Variants in KRIT1 observed in about 807,000 individuals in gnomAD.
The protein encoded by KRIT1 is KRIT1 ankyrin repeat containing, also known as krev interaction trapped protein 1.
A neutral mutation model predicts 95.8 loss-of-function variants in KRIT1; 45 were observed. That is an observed-to-expected ratio of 0.47 (90% CI 0.37 to 0.60). The LOEUF (loss-of-function observed/expected upper bound fraction) is 0.60, where lower values mean the gene tolerates loss of function less well. Among genes scored for constraint, KRIT1 ranks in the 20% least tolerant of loss-of-function variants. The probability of loss-of-function intolerance (pLI) is 0.00; values close to 1 mark genes in which losing one functional copy is unlikely to be tolerated. For synonymous variants in KRIT1, 282 were observed against 278.8 expected, an observed-to-expected ratio of 1.01 and a Z score of -0.11; for missense variants, 788 against 877.5, an observed-to-expected ratio of 0.90 and a Z score of 1.29.
intron 14 of KRIT1, among the ~76,000 whole-genome samples, chr7:92,215,996 G>A (rs1374468943): frequency 2.0e-5 from 3 of 151,930 alleles, no homozygotes; most frequent in African/African-American, 4.8e-5. Flanking sequence ...TTGGGAGGCC[G>A]AGGTGGGCGG....
At chr7:92,220,168 G>A (rs1018519869) in intron 14 of KRIT1, among the ~76,000 whole-genome samples, 1 of 152,172 alleles carries the variant, frequency 6.6e-6, no homozygotes, top group African/African-American at 2.4e-5. Flanking sequence ...GGTTTTTCAT[G>A]AACACCCTTT....
intron 10 of KRIT1, among the ~76,000 whole-genome samples, chr7:92,230,481 G>C (rs938583664): frequency 6.6e-6 from 1 of 152,142 alleles, no homozygotes; most frequent in Non-Finnish European, 1.5e-5. Context: ...GCAGAGCAGG[G>C]AAACAGATCA....
chr7:92,233,591 G>A (rs1198192958), intron 10 of KRIT1, among the ~76,000 whole-genome samples: 1 of 151,884 alleles, frequency 6.6e-6, no homozygotes, highest in Non-Finnish European at 1.5e-5. Context: ...ATTTTTAGTG[G>A]AGACGGGGTT....
intron 14 of KRIT1, among the ~76,000 whole-genome samples, chr7:92,221,338 C>T (rs1795099756): frequency 6.6e-6 from 1 of 152,036 alleles, no homozygotes; most frequent in Non-Finnish European, 1.5e-5. Context: ...ACTTGGGAGG[C>T]TGAGGCACGA....
intron 17 of KRIT1, among the ~76,000 whole-genome samples, chr7:92,211,446 A>G (rs961716780): frequency 1.3e-5 from 2 of 152,186 alleles, no homozygotes; most frequent in African/African-American, 4.8e-5. Context: ...CTATGTTCTC[A>G]TATACGTGAG....
At chr7:92,212,602 C>A (rs1470082675) in intron 17 of KRIT1, among the ~76,000 whole-genome samples, 1 of 152,188 alleles carries the variant, frequency 6.6e-6, no homozygotes, top group Non-Finnish European at 1.5e-5. Context: ...CAGTCTCCAA[C>A]CCAGAAAAAC....
chr7:92,226,405 AGTAAT>A (rs1796218359), intron 11 of KRIT1, 116 bp downstream of exon 11: 1 of 773,298 alleles, frequency 1.3e-6, no homozygotes, highest in African/African-American at 1.7e-5. Flanking sequence ...TATTCTATAA[AGTAAT>A]GGAATTTATT....
intron 11 of KRIT1, among the ~76,000 whole-genome samples, chr7:92,226,115 A>T (rs960610753): frequency 1.3e-5 from 2 of 152,182 alleles, no homozygotes; most frequent in Non-Finnish European, 2.9e-5. Flanking sequence ...CCTTTTTATG[A>T]ATTTCCTTTA....
chr7:92,202,187 A>T (rs1035256546), intron 17 of KRIT1: 2 of 152,234 alleles, frequency 1.3e-5, no homozygotes, highest in African/African-American at 2.4e-5. Context: ...TATAAAAGTA[A>T]GCATAATTTA....
chr7:92,217,011 A>G (rs1209905835), intron 14 of KRIT1, among the ~76,000 whole-genome samples: 1 of 152,176 alleles, frequency 6.6e-6, no homozygotes, highest in African/African-American at 2.4e-5. Flanking sequence ...TTATATAATG[A>G]GTGAAAGAAC....
intron 17 of KRIT1, among the ~76,000 whole-genome samples, chr7:92,208,807 C>T (rs1464052605): frequency 6.6e-6 from 1 of 151,952 alleles, no homozygotes; most frequent in African/African-American, 2.4e-5. Context: ...TTAAAATGGA[C>T]CAAAAAACTG....
chr7:92,234,627 A>AG (rs760332978), intron 9 of KRIT1, 35 bp from the exon 10 acceptor site: 3 of 1,579,142 alleles, frequency 1.9e-6, no homozygotes, highest in Non-Finnish European at 2.6e-6. Flanking sequence ...AAAATACAAC[A>AG]GGACTGTAAA....
intron 14 of KRIT1, among the ~76,000 whole-genome samples, chr7:92,215,641 T>C (rs756951772): frequency 1.3e-5 from 2 of 152,144 alleles, no homozygotes; most frequent in Non-Finnish European, 2.9e-5. Flanking sequence ...GGCTAATTTT[T>C]AAATTTTTTG....
At chr7:92,207,100 G>T (rs766412423) in intron 17 of KRIT1, among the ~76,000 whole-genome samples, 2 of 152,074 alleles carry the variant, frequency 1.3e-5, no homozygotes, top group African/African-American at 2.4e-5. Flanking sequence ...AGAAATAATA[G>T]CTGAAAACTC....
intron 4 of KRIT1, 30 bp downstream of exon 4, chr7:92,242,004 T>A: frequency 7.4e-6 from 8 of 1,085,304 alleles, no homozygotes; most frequent in Non-Finnish European, 1.0e-5. Flanking sequence ...CATTCAATGG[T>A]AGAAATAAAT....
chr7:92,210,709 G>T (rs1031539705), intron 17 of KRIT1, among the ~76,000 whole-genome samples: 7 of 152,190 alleles, frequency 4.6e-5, no homozygotes, highest in Non-Finnish European at 8.8e-5. Flanking sequence ...TTAAGCTTCT[G>T]CACAGCTAAC....
At chr7:92,240,762 C>CTTCA in intron 5 of KRIT1, 1 of 548,156 alleles carries the variant, frequency 1.8e-6, no homozygotes, top group Non-Finnish European at 3.2e-6. Context: ...GGGAACTACA[C>CTTCA]TTCACATCAA....
intron 14 of KRIT1, among the ~76,000 whole-genome samples, chr7:92,219,057 G>A (rs897881728): frequency 2.9e-4 from 44 of 152,192 alleles, no homozygotes; most frequent in African/African-American, 9.9e-4. Flanking sequence ...CTGGAGTACA[G>A]TGGTGTGATC....
Position 92,213,324 on chromosome 7 carries a change from A to G in KRIT1, c.1896T>C (p.Ile632=). 1 of 1,613,592 alleles carries G rather than the reference A, an allele frequency of 6.2e-7. No individual in the cohort carries two copies. The highest frequency in any genetic ancestry group is 8.5e-7 in the Non-Finnish European group (1 of 1,179,580). Residue 632 remains isoleucine, a synonymous_variant, in exon 17 of 19, where the codon ATT becomes ATC. Transcript: ENST00000394505. ...QRMFLQNCWE[I]PTYGAAFFTG... ...TGAAAAATGCTGCTCCATAAGTAGG[A>G]ATTTCCCAGCAATTCTGTAAGAACA...
Sources: allele counts gnomAD v4.1 joint callset (sites outside exome capture counted in the v4.1 genomes callset), GRCh38; gene constraint gnomAD v4.1.1; transcripts MANE v1.5; gene names NCBI Gene and HGNC (gene_info 2026-07-23, HGNC 2026-07-21).